Variants in FGF14 observed in about 807,000 individuals in gnomAD.
FGF14 encodes the protein fibroblast growth factor homologous factor 4.
FGF14 carries 5 observed loss-of-function variants against 25.5 expected under a neutral mutation model. That is an observed-to-expected ratio of 0.20 (90% CI 0.10 to 0.41). The LOEUF (loss-of-function observed/expected upper bound fraction) is 0.41, where lower values mean the gene tolerates loss of function less well. Among genes scored for constraint, FGF14 ranks in the 10% least tolerant of loss-of-function variants. The probability of loss-of-function intolerance (pLI) is 1.00; values close to 1 mark genes in which losing one functional copy is unlikely to be tolerated. For missense variants in FGF14, 222 were observed against 320.1 expected (o/e 0.69, Z 2.34); for synonymous variants, 138 against 118.3 (o/e 1.17, Z -1.08).
intron 1 of FGF14, among the ~76,000 whole-genome samples, chr13:102,316,884 T>C (rs550414945): frequency 1.3e-5 from 2 of 152,300 alleles, no homozygotes; most frequent in South Asian, 4.1e-4. Context: ...TTACTGATAT[T>C]AAATGCTGGC....
At chr13:101,944,179 A>C (rs1460499621) in intron 1 of FGF14, among the ~76,000 whole-genome samples, 4 of 152,168 alleles carry the variant, frequency 2.6e-5, no homozygotes, top group Non-Finnish European at 5.9e-5. Context: ...TGAATACTTA[A>C]ACTTTCCAAG....
chr13:101,891,841 A>C (rs1197843784), intron 1 of FGF14, among the ~76,000 whole-genome samples: 1 of 152,200 alleles, frequency 6.6e-6, no homozygotes, highest in Non-Finnish European at 1.5e-5. Flanking sequence ...TGAATGTAGT[A>C]GTAAATAATC....
At position 101,828,470 on chromosome 13, in the gene FGF14, G is replaced by T. The variant is rs148470566; in HGVS notation, c.408+40255C>A. 3.9e-4 allele frequency among the ~76,000 whole-genome samples: 56 copies of T among 143,590 alleles called. No homozygotes were observed. In the East Asian group the frequency reaches 0.011, roughly 29 times the overall value. The allele number at this position is 143,590 out of a possible 152,430, so 94.2% of individuals were successfully genotyped here. A position where few individuals can be genotyped will look rare whatever the true frequency, so the allele number is the denominator to read the frequency against. ...TATTTCAAATACTTTAAAAATAAAAGACTTTTTTTTTTTTTTGCAAGATGA... is the reference window on the plus strand; with the variant it reads ...TATTTCAAATACTTTAAAAATAAAATACTTTTTTTTTTTTTTGCAAGATGA... On this transcript the variant is annotated intron_variant, in intron 3 of 4. Transcript: ENST00000376143.
chr13:102,359,504 T>A (rs2057507997), intron 1 of FGF14, among the ~76,000 whole-genome samples: 1 of 152,186 alleles, frequency 6.6e-6, no homozygotes, highest in South Asian at 2.1e-4. Flanking sequence ...CTTGCTAGTT[T>A]TCACTTTTGC....
intron 3 of FGF14, among the ~76,000 whole-genome samples, chr13:101,755,709 T>C (rs896871622): frequency 1.3e-5 from 2 of 152,208 alleles, no homozygotes; most frequent in Non-Finnish European, 2.9e-5. Context: ...GTCATCTGAT[T>C]AGTCTGCAAC....
intron 3 of FGF14, among the ~76,000 whole-genome samples, chr13:101,776,535 G>A (rs777671781): frequency 1.3e-5 from 2 of 151,964 alleles, no homozygotes; most frequent in Non-Finnish European, 2.9e-5. Context: ...GCAAAAGGCA[G>A]CCTTCGAGGG....
At chr13:102,132,704 A>G (rs1453861380) in intron 1 of FGF14, among the ~76,000 whole-genome samples, 2 of 152,036 alleles carry the variant, frequency 1.3e-5, no homozygotes, top group Non-Finnish European at 2.9e-5. Context: ...CATTTTTAGT[A>G]GAGACAAGGT....
At chr13:102,009,903 T>C (rs1423670165) in intron 1 of FGF14, among the ~76,000 whole-genome samples, 3 of 152,154 alleles carry the variant, frequency 2.0e-5, no homozygotes, top group African/African-American at 7.2e-5. Context: ...ACAAAGATGA[T>C]ACAAAGAATG....
chr13:102,047,011 GTTATT>G (rs1264119082), intron 1 of FGF14, among the ~76,000 whole-genome samples: 1 of 152,082 alleles, frequency 6.6e-6, no homozygotes, highest in East Asian at 1.9e-4. Flanking sequence ...ATTGTTGTGT[GTTATT>G]TTATAGTATT....
chr13:102,365,488 T>A (rs1425786660), intron 1 of FGF14, among the ~76,000 whole-genome samples: 1 of 152,228 alleles, frequency 6.6e-6, no homozygotes, highest in African/African-American at 2.4e-5. Context: ...ATTCTACTCA[T>A]AAAAATTATT....
intron 1 of FGF14, among the ~76,000 whole-genome samples, chr13:101,976,736 A>C (rs2037951166): frequency 6.6e-6 from 1 of 152,232 alleles, no homozygotes; most frequent in South Asian, 2.1e-4. Flanking sequence ...AGCAATTGCC[A>C]ACAATGGCAA....
chr13:101,836,774 G>T (rs1281534173), intron 3 of FGF14, among the ~76,000 whole-genome samples: 1 of 151,934 alleles, frequency 6.6e-6, no homozygotes, highest in African/African-American at 2.4e-5. Context: ...ATTGCATTAA[G>T]TAGAACCAGC....
chr13:102,123,937 A>T (rs1183839248), intron 1 of FGF14, among the ~76,000 whole-genome samples: 1 of 152,210 alleles, frequency 6.6e-6, no homozygotes, highest in Non-Finnish European at 1.5e-5. Context: ...AAGATCATTC[A>T]GCACTTCTCC....
chr13:102,010,424 G>C (rs1004287914), intron 1 of FGF14, among the ~76,000 whole-genome samples: 24 of 152,092 alleles, frequency 1.6e-4, no homozygotes, highest in African/African-American at 5.8e-4. Context: ...AGAGATACCA[G>C]AACTAATAAC....
intron 1 of FGF14, among the ~76,000 whole-genome samples, chr13:102,217,028 T>C (rs548672037): frequency 1.3e-5 from 2 of 152,198 alleles, no homozygotes. Flanking sequence ...ACTGTGTAGA[T>C]GTACATTTTC....
intron 3 of FGF14, among the ~76,000 whole-genome samples, chr13:101,812,245 T>C (rs981735473): frequency 1.3e-5 from 2 of 152,116 alleles, no homozygotes; most frequent in African/African-American, 2.4e-5. Flanking sequence ...CATCAGTTAA[T>C]TGATAAATTT....
intron 3 of FGF14, among the ~76,000 whole-genome samples, chr13:101,847,276 A>T (rs1006608305): frequency 2.0e-5 from 3 of 152,176 alleles, no homozygotes; most frequent in African/African-American, 7.2e-5. Flanking sequence ...GTCAGTGATC[A>T]CTGCCTCTGA....
At chr13:101,813,814 ACT>A (rs2041699192) in intron 3 of FGF14, among the ~76,000 whole-genome samples, 1 of 152,186 alleles carries the variant, frequency 6.6e-6, no homozygotes, top group Non-Finnish European at 1.5e-5. Flanking sequence ...TCTTCAGAAC[ACT>A]CTGTTCGCAG....
At position 102,390,188 on chromosome 13, in the gene FGF14, G is replaced by A. The variant is rs149690897; in HGVS notation, c.208+11283C>T. Reference sequence around the variant, plus strand: ...AATGGCGGTTGCTTCTCAGAGTGGGGATGGGTAGGAACAGAATGGAAATAA... The same window carrying A: ...AATGGCGGTTGCTTCTCAGAGTGGGAATGGGTAGGAACAGAATGGAAATAA... On this transcript the variant is annotated intron_variant, in intron 1 of 4. Transcript: ENST00000376131. 3.2e-3 allele frequency among the ~76,000 whole-genome samples: 489 copies of A among 152,302 alleles called. 4 individuals carry two copies. Among genetic ancestry groups the A allele is most frequent in the Middle Eastern group, 0.01 (3 of 294 alleles).
Sources: allele counts gnomAD v4.1 joint callset (sites outside exome capture counted in the v4.1 genomes callset), GRCh38; gene constraint gnomAD v4.1.1; transcripts MANE v1.5; gene names NCBI Gene and HGNC (gene_info 2026-07-23, HGNC 2026-07-21).